The following OPHN1 variants were observed in gnomAD, a reference collection of about 807,000 sequenced individuals.
OPHN1 encodes the protein oligophrenin-1.
OPHN1 carries 11 observed loss-of-function variants against 60.7 expected under a neutral mutation model. That is an observed-to-expected ratio of 0.18 (90% CI 0.11 to 0.30). The LOEUF (loss-of-function observed/expected upper bound fraction) is 0.30. Among genes scored for constraint, OPHN1 ranks in the 10% least tolerant of loss-of-function variants. The probability of loss-of-function intolerance (pLI) is 1.00; values close to 1 mark genes in which losing one functional copy is unlikely to be tolerated. For missense variants in OPHN1, 449 were observed against 611.0 expected (o/e 0.73, Z 2.80); for synonymous variants, 226 against 222.6 (o/e 1.02, Z -0.14).
intron 15 of OPHN1, among the ~76,000 whole-genome samples, chrX:68,174,240 T>C (rs895569728): frequency 4.5e-5 from 5 of 111,339 alleles, no homozygotes; most frequent in African/African-American, 1.6e-4. Flanking sequence ...AAAGCCACCC[T>C]TTATAACAAG....
chrX:68,357,537 A>G (rs2078448063), intron 2 of OPHN1, among the ~76,000 whole-genome samples: 1 of 110,372 alleles, frequency 9.1e-6, no homozygotes, highest in South Asian at 3.9e-4. Context: ...TTTGCTGAGA[A>G]TGATGGTTTC....
intron 18 of OPHN1, among the ~76,000 whole-genome samples, chrX:68,101,142 C>T (rs754406606): frequency 4.5e-5 from 5 of 112,022 alleles, no homozygotes; most frequent in East Asian, 2.8e-4. Flanking sequence ...AAAGTCCATA[C>T]GATGTCATGA....
intron 2 of OPHN1, among the ~76,000 whole-genome samples, chrX:68,429,191 G>C (rs189919273): frequency 6.3e-5 from 7 of 110,863 alleles, no homozygotes; most frequent in East Asian, 5.7e-4. Context: ...GGAGGCCAAG[G>C]GGGGGCGGAC....
At chrX:68,311,320 C>A (rs1160196853) in intron 2 of OPHN1, among the ~76,000 whole-genome samples, 5 of 111,788 alleles carry the variant, frequency 4.5e-5, no homozygotes, top group Non-Finnish European at 9.4e-5. Flanking sequence ...GAATATCAAA[C>A]AAAATGGATA....
At chrX:68,214,317 A>G (rs919424367) in intron 6 of OPHN1, among the ~76,000 whole-genome samples, 2 of 112,584 alleles carry the variant, frequency 1.8e-5, no homozygotes, top group Non-Finnish European at 3.7e-5. Flanking sequence ...ACATGAATAC[A>G]GAGAATAAGA....
intron 15 of OPHN1, among the ~76,000 whole-genome samples, chrX:68,170,839 G>A (rs755869866): frequency 4.8e-5 from 5 of 104,744 alleles, no homozygotes; most frequent in Admixed American, 2.1e-4. Context: ...GCTAAATGAC[G>A]AGTTAATGGG....
At chrX:68,423,727 T>C (rs1218172905) in intron 2 of OPHN1, among the ~76,000 whole-genome samples, 2 of 112,151 alleles carry the variant, frequency 1.8e-5, no homozygotes, top group Non-Finnish European at 3.8e-5. Flanking sequence ...GTTTTCAAAG[T>C]TCATCCTTAT....
At chrX:68,089,801 C>G (rs2077009538) in intron 19 of OPHN1, among the ~76,000 whole-genome samples, 1 of 111,734 alleles carries the variant, frequency 8.9e-6, no homozygotes, top group East Asian at 2.8e-4. Context: ...GGCCTGACTT[C>G]ACTTCAAAGC....
At chrX:68,070,197 C>G (rs1019818210) in intron 20 of OPHN1, among the ~76,000 whole-genome samples, 2 of 111,643 alleles carry the variant, frequency 1.8e-5, no homozygotes, top group Non-Finnish European at 3.8e-5. Flanking sequence ...CAAAGCTAAT[C>G]AGGATAAGCT....
intron 2 of OPHN1, among the ~76,000 whole-genome samples, chrX:68,424,050 C>T (rs2078842950): frequency 9.1e-6 from 1 of 110,381 alleles, no homozygotes; most frequent in Non-Finnish European, 1.9e-5. Flanking sequence ...ACCTATAATC[C>T]GAGCTACTCA....
At chrX:68,162,353 T>C in intron 15 of OPHN1, among the ~76,000 whole-genome samples, 1 of 109,976 alleles carries the variant, frequency 9.1e-6, no homozygotes, top group Non-Finnish European at 1.9e-5. Flanking sequence ...ATATGTTATT[T>C]AAGATCCTTC....
At chrX:68,228,698 A>G (rs2077710725) in intron 6 of OPHN1, among the ~76,000 whole-genome samples, 1 of 111,490 alleles carries the variant, frequency 9.0e-6, no homozygotes, top group African/African-American at 3.3e-5. Context: ...AAGGCCTATG[A>G]CAAAATTCAA....
At chrX:68,396,515 T>C (rs1372581675) in intron 2 of OPHN1, among the ~76,000 whole-genome samples, 1 of 108,721 alleles carries the variant, frequency 9.2e-6, no homozygotes, top group Non-Finnish European at 1.9e-5. Flanking sequence ...AGTCCTTGAC[T>C]CTGAATACGA....
At position 68,262,821 on chromosome X, in the gene OPHN1, A is replaced by AGAAAG. The variant is rs1310957866; in HGVS notation, c.384+11912_384+11916dup. 1.0e-3 allele frequency among the ~76,000 whole-genome samples: 86 copies of AGAAAG among 85,042 alleles called. No individual in the cohort carries two copies. In the East Asian group the frequency reaches 0.035, roughly 35 times the overall value. 73.8% of individuals were successfully genotyped at this position (85,042 alleles called of 115,157 possible). A position where few individuals can be genotyped will look rare whatever the true frequency, so the allele number is the denominator to read the frequency against. ...GGACAGGACAGGACAGGACAGGACA[A>AGAAAG]GAAAGGAAAGGACAGGACAGGACAG... On this transcript the variant is annotated intron_variant, in intron 5 of 24. Coordinates refer to ENST00000355520, the MANE Select transcript of OPHN1 (RefSeq NM_002547.3).
At chrX:68,384,294 T>A (rs986764892) in intron 2 of OPHN1, among the ~76,000 whole-genome samples, 2 of 111,805 alleles carry the variant, frequency 1.8e-5, no homozygotes, top group Non-Finnish European at 3.8e-5. Flanking sequence ...ATGCTCTAGG[T>A]AAATTCCATA....
chrX:68,423,261 G>A (rs1421444945), intron 2 of OPHN1, among the ~76,000 whole-genome samples: 2 of 110,972 alleles, frequency 1.8e-5, no homozygotes, highest in African/African-American at 3.3e-5. Context: ...TCCTGACCTC[G>A]TGATCTGCCC....
At chrX:68,198,903 C>A in intron 11 of OPHN1, among the ~76,000 whole-genome samples, 1 of 111,743 alleles carries the variant, frequency 8.9e-6, no homozygotes, top group East Asian at 2.8e-4. Flanking sequence ...TAATGACAGT[C>A]TTGTGGTTAC....
intron 2 of OPHN1, among the ~76,000 whole-genome samples, chrX:68,320,585 A>C (rs2078230883): frequency 9.1e-6 from 1 of 110,220 alleles, no homozygotes; most frequent in Non-Finnish European, 1.9e-5. Context: ...AACAATCAAC[A>C]TGCATGACTT....
At chrX:68,351,969 C>T (rs2078415144) in intron 2 of OPHN1, among the ~76,000 whole-genome samples, 1 of 105,729 alleles carries the variant, frequency 9.5e-6, no homozygotes, top group African/African-American at 3.5e-5. Flanking sequence ...CTCCACCTCC[C>T]GGGTTCACGC....
Sources: gnomAD v4.1 joint callset for allele counts (sites outside exome capture counted in the v4.1 genomes callset) on GRCh38, gnomAD v4.1.1 for gene constraint, MANE v1.5 for transcripts, NCBI Gene and HGNC (gene_info 2026-07-23, HGNC 2026-07-21) for gene names.